Variants in FHIP1A observed in about 807,000 individuals in gnomAD.
FHIP1A encodes the protein FHF complex subunit HOOK-interacting protein 1A.
Under a neutral mutation model 88.6 loss-of-function variants are expected in FHIP1A, and 61 were observed. The ratio of observed to expected loss-of-function variants is 0.69; its 90% CI spans 0.56 to 0.85. FHIP1A has a LOEUF of 0.85. FHIP1A is among the 40% of genes least tolerant of loss of function. FHIP1A has a pLI of 0.00. For synonymous variants in FHIP1A, 478 were observed against 496.0 expected, an observed-to-expected ratio of 0.96 and a Z score of 0.48; for missense variants, 1,154 against 1,273.5, an observed-to-expected ratio of 0.91 and a Z score of 1.43.
chr4:151,540,321 C>T (rs1580685071), intron 3 of FHIP1A, among the ~76,000 whole-genome samples: 1 of 152,176 alleles, frequency 6.6e-6, no homozygotes, highest in East Asian at 1.9e-4. Flanking sequence ...CTGCAGCCAA[C>T]TTGGGAAGAG....
chr4:151,624,016 A>G (rs1184405670), intron 7 of FHIP1A, among the ~76,000 whole-genome samples: 1 of 152,314 alleles, frequency 6.6e-6, no homozygotes, highest in East Asian at 1.9e-4. Flanking sequence ...CCCAGCACCC[A>G]GTACAGAGCT....
rs1290132988 is a variant in FHIP1A, at chr4:151,667,020, T to C, written c.*4266T>C. 6.6e-6 allele frequency among the ~76,000 whole-genome samples: 1 copy of C among 152,246 alleles called. No homozygotes were observed. The highest frequency in any genetic ancestry group is 3.2e-3 in the Middle Eastern group (1 of 316). On this transcript the variant is annotated 3_prime_UTR_variant, in exon 14 of 14. Transcript: ENST00000435205. ...TGCTAATTACCAGCCCTGTATTTAC[T>C]GAAATGGCTGTCTGTCATGCTTGCC...
At chr4:151,534,169 G>A (rs1026343186) in intron 3 of FHIP1A, among the ~76,000 whole-genome samples, 4 of 152,184 alleles carry the variant, frequency 2.6e-5, no homozygotes, top group African/African-American at 7.2e-5. Context: ...TCAGACTGGC[G>A]TTAAGGAAAC....
intron 1 of FHIP1A, among the ~76,000 whole-genome samples, chr4:151,438,053 C>A (rs1728266236): frequency 6.6e-6 from 1 of 152,050 alleles, no homozygotes; most frequent in Non-Finnish European, 1.5e-5. Context: ...CCCCACCCCC[C>A]AGCCCCCCAA....
intron 3 of FHIP1A, among the ~76,000 whole-genome samples, chr4:151,513,829 C>T (rs1217010495): frequency 6.6e-6 from 1 of 150,598 alleles, no homozygotes; most frequent in Non-Finnish European, 1.5e-5. Flanking sequence ...TACAAAGAGA[C>T]TTAGACTCCC....
At chr4:151,525,463 G>T (rs1731595637) in intron 3 of FHIP1A, among the ~76,000 whole-genome samples, 2 of 152,218 alleles carry the variant, frequency 1.3e-5, no homozygotes, top group South Asian at 4.1e-4. Flanking sequence ...CTCATCTGAT[G>T]CCAAAATGGC....
At chr4:151,508,339 C>T (rs114461061) in intron 3 of FHIP1A, among the ~76,000 whole-genome samples, 396 of 152,310 alleles carry the variant, frequency 2.6e-3, no homozygotes, top group Non-Finnish European at 4.8e-3. Flanking sequence ...CCTTCATGTG[C>T]AGCCTAGTAA....
At chr4:151,463,510 T>C (rs1729207902) in intron 2 of FHIP1A, among the ~76,000 whole-genome samples, 1 of 152,230 alleles carries the variant, frequency 6.6e-6, no homozygotes, top group African/African-American at 2.4e-5. Context: ...CTTCCTCCTT[T>C]GCCCCTTGCA....
intron 1 of FHIP1A, among the ~76,000 whole-genome samples, chr4:151,426,734 T>A (rs945738892): frequency 2.0e-5 from 3 of 152,198 alleles, no homozygotes; most frequent in Non-Finnish European, 4.4e-5. Flanking sequence ...CAACTTGGCA[T>A]ACAGAGAGCA....
intron 2 of FHIP1A, among the ~76,000 whole-genome samples, chr4:151,471,362 C>G (rs1394318841): frequency 6.7e-6 from 1 of 149,074 alleles, no homozygotes; most frequent in African/African-American, 2.5e-5. Context: ...CAAAACAGCA[C>G]TCTGAATCTC....
At chr4:151,506,650 G>C (rs1176551344) in intron 3 of FHIP1A, among the ~76,000 whole-genome samples, 3 of 152,098 alleles carry the variant, frequency 2.0e-5, no homozygotes, top group Non-Finnish European at 4.4e-5. Flanking sequence ...TGGGAACTAA[G>C]AGTGAGAAGT....
intron 7 of FHIP1A, among the ~76,000 whole-genome samples, chr4:151,591,738 A>T (rs1278277146): frequency 1.3e-5 from 2 of 152,096 alleles, no homozygotes; most frequent in South Asian, 4.1e-4. Flanking sequence ...GCTGAGAATG[A>T]TGGTTTCCAG....
chr4:151,639,818 C>T (rs1439226355), intron 9 of FHIP1A, among the ~76,000 whole-genome samples: 7 of 152,300 alleles, frequency 4.6e-5, no homozygotes, highest in South Asian at 2.1e-4. Flanking sequence ...CTCCAGCATG[C>T]GCTCCCTGCT....
chr4:151,414,311 C>G (rs1217539052), intron 1 of FHIP1A, among the ~76,000 whole-genome samples: 1 of 152,138 alleles, frequency 6.6e-6, no homozygotes, highest in Non-Finnish European at 1.5e-5. Context: ...CCTCGGCCTC[C>G]CAAAGGGCTG....
At chr4:151,629,591 C>A in intron 7 of FHIP1A, 111 bp from the exon 8 acceptor site, 1 of 868,730 alleles carries the variant, frequency 1.2e-6, no homozygotes, top group Non-Finnish European at 1.8e-6. Flanking sequence ...CGTGGGCAGG[C>A]ATGTTCTTGC....
chr4:151,492,222 A>G (rs1730308143), intron 3 of FHIP1A, among the ~76,000 whole-genome samples: 3 of 152,182 alleles, frequency 2.0e-5, no homozygotes, highest in East Asian at 1.9e-4. Context: ...CAGCCCATGG[A>G]ACATTCTCCA....
At position 151,649,882 on chromosome 4, in the gene FHIP1A, C is replaced by G. The variant is rs757059748; in HGVS notation, c.1841C>G (p.Pro614Arg). Residue 614 changes from proline (P) to arginine (R), a missense_variant, in exon 11 of 14, where the codon CCC becomes CGC. Physicochemically the swap from Pro to Arg is moderately radical, Grantham distance 103. Coordinates refer to ENST00000435205, the MANE Select transcript of FHIP1A (RefSeq NM_001109977.3). ...VSGPPAPIDP[P>R]KHIQEMKKNA... is the part of the protein sequence containing the mutation. ...GGCCCCCCAGCACCCATTGATCCCC[C>G]CAAACACATCCAGGAGATGAAGAAG... 4.5e-6 allele frequency: 7 copies of G among 1,551,558 alleles called. No individual in the cohort carries two copies. Among genetic ancestry groups the G allele is most frequent in the Non-Finnish European group, 4.4e-6 (5 of 1,146,962 alleles).
At chr4:151,539,660 A>T (rs192242358) in intron 3 of FHIP1A, among the ~76,000 whole-genome samples, 1 of 151,814 alleles carries the variant, frequency 6.6e-6, no homozygotes, top group African/African-American at 2.4e-5. Flanking sequence ...TCTGGAAAGT[A>T]CATTGACTCT....
intron 1 of FHIP1A, among the ~76,000 whole-genome samples, chr4:151,446,423 C>G (rs571802630): frequency 1.1e-4 from 16 of 151,334 alleles, no homozygotes; most frequent in Non-Finnish European, 1.6e-4. Flanking sequence ...TACATATACA[C>G]ACATAATGTC....
Sources: allele counts gnomAD v4.1 joint callset (sites outside exome capture counted in the v4.1 genomes callset), GRCh38; gene constraint gnomAD v4.1.1; transcripts MANE v1.5; gene names NCBI Gene and HGNC (gene_info 2026-07-23, HGNC 2026-07-21).